NRXN1: variants seen among roughly 807,000 people sequenced by gnomAD.
The protein encoded by NRXN1 is neurexin-1.
Under a neutral mutation model 150.9 loss-of-function variants are expected in NRXN1, and 39 were observed. The ratio of observed to expected loss-of-function variants is 0.26; its 90% CI spans 0.20 to 0.34. NRXN1 has a LOEUF of 0.34. NRXN1 is among the 10% of genes least tolerant of loss of function. The pLI is 1.00. For missense variants in NRXN1, 1,815 were observed against 1,949.9 expected (o/e 0.93, Z 1.30); for synonymous variants, 924 against 757.0 (o/e 1.22, Z -3.62).
chr2:50,572,712 AC>A (rs1393741051), intron 8 of NRXN1, among the ~76,000 whole-genome samples: 2 of 152,182 alleles, frequency 1.3e-5, no homozygotes, highest in Non-Finnish European at 2.9e-5. Context: ...CAAGTGATAA[AC>A]CCTGACAACC....
chr2:49,922,638 T>C (rs539848964), intron 22 of NRXN1, among the ~76,000 whole-genome samples: 21 of 152,090 alleles, frequency 1.4e-4, no homozygotes, highest in Non-Finnish European at 2.2e-4. Context: ...AAGAATCAAA[T>C]AGGTGTTGCT....
At chr2:50,460,101 T>C (rs2088011847) in intron 17 of NRXN1, among the ~76,000 whole-genome samples, 1 of 152,132 alleles carries the variant, frequency 6.6e-6, no homozygotes, top group Non-Finnish European at 1.5e-5. Context: ...CTCCTCTGAA[T>C]GCAGCTCTGG....
intron 15 of NRXN1, among the ~76,000 whole-genome samples, chr2:50,490,671 C>G (rs948499175): frequency 2.6e-5 from 4 of 152,192 alleles, no homozygotes; most frequent in African/African-American, 4.8e-5. Flanking sequence ...GAGGAGCCAT[C>G]TCACAGCAGT....
chr2:50,108,986 T>A (rs1425494371), intron 18 of NRXN1, among the ~76,000 whole-genome samples: 1 of 152,094 alleles, frequency 6.6e-6, no homozygotes, highest in African/African-American at 2.4e-5. Flanking sequence ...AAAAATAAGA[T>A]AAACATAAAT....
intron 19 of NRXN1, among the ~76,000 whole-genome samples, chr2:50,076,966 T>G (rs2152678367): frequency 6.6e-6 from 1 of 152,252 alleles, no homozygotes; most frequent in Admixed American, 6.5e-5. Flanking sequence ...TTAGGGGAAT[T>G]AAGAATTATT....
At position 50,620,011 on chromosome 2, in the gene NRXN1, A is replaced by G; in HGVS notation, c.1320+11T>C. The G allele has an allele frequency of 6.4e-7, 1 of 1,560,240 alleles. No homozygotes were observed. Among genetic ancestry groups the G allele is most frequent in the Non-Finnish European group, 8.7e-7 (1 of 1,150,680 alleles). On this transcript the variant is annotated intron_variant, in intron 8 of 22. Transcript: ENST00000401669. ...TGAATTAGGAATGATTCTGATGGCA[A>G]CGATATTTACCTCTTTGAGACAGCC...
intron 19 of NRXN1, among the ~76,000 whole-genome samples, chr2:50,056,758 AT>A (rs1693702817): frequency 6.6e-6 from 1 of 152,110 alleles, no homozygotes; most frequent in Admixed American, 6.6e-5. Flanking sequence ...CTTATAAGTG[AT>A]TTTATATAAT....
At chr2:50,420,225 C>T (rs192855610) in intron 17 of NRXN1, among the ~76,000 whole-genome samples, 1 of 152,022 alleles carries the variant, frequency 6.6e-6, no homozygotes, top group African/African-American at 2.4e-5. Context: ...TGAGCACTGC[C>T]TATATACAGA....
chr2:50,390,497 A>T (rs1520453), intron 17 of NRXN1, among the ~76,000 whole-genome samples: 77,192 of 151,962 alleles, frequency 0.51, 20,373 homozygotes, highest in East Asian at 0.81. Context: ...AATGCTGTGT[A>T]ACTGTACTAT....
At position 49,930,924 on chromosome 2, in the gene NRXN1, G is replaced by A. The variant is rs1206096771; in HGVS notation, c.4217-8673C>T. 2.0e-5 allele frequency among the ~76,000 whole-genome samples: 3 copies of A among 152,320 alleles called. No individual in the cohort carries two copies. In the East Asian group the frequency reaches 5.8e-4, roughly 29 times the overall value. On this transcript the variant is annotated intron_variant, in intron 22 of 22. Coordinates refer to ENST00000401669, the MANE Select transcript of NRXN1 (RefSeq NM_001330078.2). ...GCACTTTGAGAGGCTGAAGCCAGGT[G>A]TTCAAGACCAGCCTGGGAAAAAGAA... is the stretch of plus-strand genomic sequence containing the variant.
intron 18 of NRXN1, among the ~76,000 whole-genome samples, chr2:50,110,915 AT>A (rs1377958117): frequency 6.6e-6 from 1 of 152,214 alleles, no homozygotes; most frequent in African/African-American, 2.4e-5. Flanking sequence ...AAAAAATCAA[AT>A]AATGTCAACA....
chr2:50,110,095 C>A (rs536070671), intron 18 of NRXN1, among the ~76,000 whole-genome samples: 75 of 152,222 alleles, frequency 4.9e-4, no homozygotes, highest in African/African-American at 1.8e-3. Flanking sequence ...TCCTTCCTGT[C>A]AACCTAAGGC....
At chr2:50,221,379 G>C (rs1351521438) in intron 18 of NRXN1, among the ~76,000 whole-genome samples, 1 of 152,000 alleles carries the variant, frequency 6.6e-6, no homozygotes, top group African/African-American at 2.4e-5. Flanking sequence ...AAACCTGTTA[G>C]TGAATATAAT....
chr2:50,479,722 A>T (rs562856818), intron 15 of NRXN1, among the ~76,000 whole-genome samples: 2 of 148,914 alleles, frequency 1.3e-5, no homozygotes, highest in Non-Finnish European at 3.0e-5. Flanking sequence ...ATAATGAATT[A>T]AGTTAATTGT....
intron 18 of NRXN1, among the ~76,000 whole-genome samples, chr2:50,228,732 G>A (rs1249121182): frequency 6.6e-6 from 1 of 151,884 alleles, no homozygotes; most frequent in Admixed American, 6.6e-5. Context: ...TGTCAATCAC[G>A]AATTTCCATT....
chr2:49,984,398 ATAAAC>A (rs778518222), intron 21 of NRXN1, among the ~76,000 whole-genome samples: 4 of 152,326 alleles, frequency 2.6e-5, no homozygotes, highest in African/African-American at 7.2e-5. Flanking sequence ...CTGACGTCGT[ATAAAC>A]TAAACAGGTG....
rs369476509 is a variant in NRXN1, at chr2:50,378,427, G to T, written c.3364+87015C>A. Among the ~76,000 whole-genome samples, 237 of 152,234 alleles carry T rather than the reference G, an allele frequency of 1.6e-3. 6 individuals are homozygous for T. The South Asian group carries it at 0.047, about 30-fold the overall frequency. On this transcript the variant is annotated intron_variant, in intron 17 of 22. Transcript: ENST00000401669. ...TAGCCTAGCTTCAAATGTGCTCAGTGATATGAGCTTACAGTTGGGCAAAAT... is the reference window on the plus strand; with the variant it reads ...TAGCCTAGCTTCAAATGTGCTCAGTTATATGAGCTTACAGTTGGGCAAAAT...
chr2:50,911,172 T>C (rs1056174269), intron 5 of NRXN1, among the ~76,000 whole-genome samples: 14 of 152,152 alleles, frequency 9.2e-5, no homozygotes, highest in Non-Finnish European at 2.1e-4. Context: ...TGAATAGAGC[T>C]TCCCTAGACC....
intron 5 of NRXN1, among the ~76,000 whole-genome samples, chr2:50,802,309 C>T (rs1405169840): frequency 6.6e-6 from 1 of 151,980 alleles, no homozygotes; most frequent in Non-Finnish European, 1.5e-5. Flanking sequence ...CTAGCAAATA[C>T]GGTGAAACCA....
Sources: allele counts gnomAD v4.1 joint callset (sites outside exome capture counted in the v4.1 genomes callset), GRCh38; gene constraint gnomAD v4.1.1; transcripts MANE v1.5; gene names NCBI Gene and HGNC (gene_info 2026-07-23, HGNC 2026-07-21).